Variants in ANKRD45 observed in about 807,000 individuals in gnomAD.
ANKRD45 encodes the protein ankyrin repeat domain-containing protein 45.
A neutral mutation model predicts 28.1 loss-of-function variants in ANKRD45; 21 were observed. That is an observed-to-expected ratio of 0.75 (90% CI 0.53 to 1.08). The LOEUF is 1.08. ANKRD45 is among the 50% of genes least tolerant of loss of function. ANKRD45 has a pLI of 0.00. For synonymous variants in ANKRD45, 86 were observed against 103.9 expected, an observed-to-expected ratio of 0.83 and a Z score of 1.05; for missense variants, 261 against 308.7, an observed-to-expected ratio of 0.85 and a Z score of 1.16.
upstream of ANKRD45, among the ~76,000 whole-genome samples, chr1:173,673,851 ATAATAT>A (rs374745934): frequency 2.4e-4 from 36 of 152,342 alleles, no homozygotes; most frequent in East Asian, 6.7e-3. Flanking sequence ...CAATAATTAG[ATAATAT>A]TAAAGCCACT....
intron 1 of ANKRD45, among the ~76,000 whole-genome samples, chr1:173,667,948 A>C (rs1340599078): frequency 6.6e-6 from 1 of 152,202 alleles, no homozygotes; most frequent in Non-Finnish European, 1.5e-5. Context: ...CAGAAATGTA[A>C]AATAATGCCA....
At position 173,659,153 on chromosome 1, in the gene ANKRD45, T is replaced by G. The variant is rs1669671925; in HGVS notation, c.266A>C (p.Gln89Pro). 1.2e-6 allele frequency: 2 copies of G among 1,614,206 alleles called. No homozygotes were observed. The highest frequency in any genetic ancestry group is 1.7e-6 in the Non-Finnish European group (2 of 1,180,034). ...TGCCAAAGCTCTAATCACGTCACTTTGCCCAGCCATGCAAGCTGCATACAA... is the reference window on the plus strand; with the variant it reads ...TGCCAAAGCTCTAATCACGTCACTTGGCCCAGCCATGCAAGCTGCATACAA... Reference protein sequence around the residue: ...NLLYAACMAGQSDVIRALAKY... With the variant: ...NLLYAACMAGPSDVIRALAKY... The change falls in exon 2 of 6, where the codon CAA becomes CCA. Residue 89 changes from glutamine (Q) to proline (P), a missense_variant. Physicochemically the swap from Gln to Pro is moderately conservative, Grantham distance 76 (BLOSUM62 -1). Transcript: ENST00000333279.
At chr1:173,649,779 TG>T (rs1669100244) in intron 2 of ANKRD45, among the ~76,000 whole-genome samples, 1 of 152,198 alleles carries the variant, frequency 6.6e-6, no homozygotes, top group Non-Finnish European at 1.5e-5. Context: ...TACACATTCA[TG>T]TCTTACAATC....
chr1:173,610,071 T>A lies in ANKRD45; in HGVS notation c.*74A>T. Reference sequence around the variant, plus strand: ...CTTAAAGAAACCCACATCTGTTTTCTCGATTTCAAATGGCATGAATAGGTT... The same window carrying A: ...CTTAAAGAAACCCACATCTGTTTTCACGATTTCAAATGGCATGAATAGGTT... On this transcript the variant is annotated 3_prime_UTR_variant, in exon 6 of 6. Transcript: ENST00000333279. The A allele has an allele frequency of 7.0e-7, 1 of 1,433,004 alleles. No individual in the cohort carries two copies. 88.8% of individuals were successfully genotyped at this position (1,433,004 alleles called of 1,614,324 possible).
chr1:173,699,670 T>C, the ANKRD45 span, among the ~76,000 whole-genome samples: 1 of 152,178 alleles, frequency 6.6e-6, no homozygotes, highest in African/African-American at 2.4e-5. Context: ...GGGATGTATC[T>C]CAAAATAATA....
chr1:173,631,970 G>A (rs1473271829), intron 3 of ANKRD45, among the ~76,000 whole-genome samples: 1 of 151,272 alleles, frequency 6.6e-6, no homozygotes, highest in Non-Finnish European at 1.5e-5. Context: ...AAAATTAGTA[G>A]AAGAAAATAA....
upstream of ANKRD45, among the ~76,000 whole-genome samples, chr1:173,671,681 T>G (rs537900955): frequency 4.8e-5 from 7 of 145,494 alleles, no homozygotes; most frequent in African/African-American, 1.3e-4. Context: ...CCATCCTGGC[T>G]AACACAGTGA....
intron 4 of ANKRD45, among the ~76,000 whole-genome samples, chr1:173,626,065 T>C (rs1667922052): frequency 6.6e-6 from 1 of 152,164 alleles, no homozygotes; most frequent in South Asian, 2.1e-4. Flanking sequence ...CAAATGCTAT[T>C]CTAATAAATT....
intron 1 of ANKRD45, chr1:173,667,724 A>C (rs1246232350): frequency 2.3e-6 from 1 of 438,074 alleles, no homozygotes; most frequent in Non-Finnish European, 4.5e-6. Flanking sequence ...AAAAGAAAGA[A>C]AAAGAAACTA....
chr1:173,630,143 C>A (rs1193317679), intron 3 of ANKRD45, among the ~76,000 whole-genome samples: 1 of 152,096 alleles, frequency 6.6e-6, no homozygotes, highest in Non-Finnish European at 1.5e-5. Context: ...CTAGACTTGT[C>A]CTAGAAGAAA....
At chr1:173,700,061 C>T in the ANKRD45 span, among the ~76,000 whole-genome samples, 1 of 152,176 alleles carries the variant, frequency 6.6e-6, no homozygotes, top group African/African-American at 2.4e-5. Flanking sequence ...CGTGTGACTT[C>T]CCATTCACAA....
At chr1:173,663,246 G>A (rs894186056) in intron 1 of ANKRD45, among the ~76,000 whole-genome samples, 2 of 152,026 alleles carry the variant, frequency 1.3e-5, no homozygotes, top group African/African-American at 2.4e-5. Flanking sequence ...GCCCATCAGG[G>A]GATCTATCCT....
the ANKRD45 span, among the ~76,000 whole-genome samples, chr1:173,682,940 TC>T: frequency 5.6e-4 from 69 of 123,462 alleles, no homozygotes; most frequent in African/African-American, 3.4e-3. Flanking sequence ...CTTGCCTCTC[TC>T]TTTTTTTTTC....
chr1:173,688,557 TCTTCCTCTCTCTCTCTCTGCCG>T, the ANKRD45 span, among the ~76,000 whole-genome samples: 1,138 of 141,126 alleles, frequency 8.1e-3, 31 homozygotes, highest in Non-Finnish European at 0.012. Flanking sequence ...CCTCTCTGCC[TCTTCCTCTCTCTCTCTCTGCCG>T]CTTCCTCTCT....
the ANKRD45 span, among the ~76,000 whole-genome samples, chr1:173,684,012 T>C: frequency 2.6e-5 from 4 of 152,126 alleles, no homozygotes; most frequent in African/African-American, 4.8e-5. Flanking sequence ...CTAATTCCAA[T>C]TGGCTAATTT....
chr1:173,661,909 C>G (rs148270478), intron 1 of ANKRD45, among the ~76,000 whole-genome samples: 43 of 152,126 alleles, frequency 2.8e-4, no homozygotes, highest in African/African-American at 9.6e-4. Context: ...TAGGAAATAA[C>G]AGGGAAGTGA....
At chr1:173,612,209 C>T (rs1452805620) in intron 5 of ANKRD45, among the ~76,000 whole-genome samples, 1 of 151,350 alleles carries the variant, frequency 6.6e-6, no homozygotes, top group Non-Finnish European at 1.5e-5. Flanking sequence ...TGTGCCACTG[C>T]ACTGCAGCCT....
chr1:173,675,306 T>C, the ANKRD45 span: 1 of 346,066 alleles, frequency 2.9e-6, no homozygotes, highest in Non-Finnish European at 5.7e-6. Context: ...TTTGCAGGCA[T>C]GTAGCCAAGA....
the ANKRD45 span, among the ~76,000 whole-genome samples, chr1:173,680,455 C>T: frequency 6.6e-6 from 1 of 151,804 alleles, no homozygotes; most frequent in Non-Finnish European, 1.5e-5. Flanking sequence ...AACCAAACAC[C>T]GCGTGCTCTC....
Sources: gnomAD v4.1 joint callset for allele counts (sites outside exome capture counted in the v4.1 genomes callset) on GRCh38, gnomAD v4.1.1 for gene constraint, MANE v1.5 for transcripts, NCBI Gene and HGNC (gene_info 2026-07-23, HGNC 2026-07-21) for gene names.